The following CUX1 variants were observed in gnomAD, a reference collection of about 807,000 sequenced individuals.
CUX1 encodes cut like homeobox 1.
In CUX1, 31 loss-of-function variants were observed where a neutral mutation model predicts 158.8. The ratio of observed to expected loss-of-function variants is 0.20; its 90% confidence interval spans 0.15 to 0.26. CUX1 has a LOEUF of 0.26. Ranked by LOEUF, CUX1 falls within the 10% of genes least tolerant of loss-of-function variation. The pLI is 1.00. For missense variants in CUX1, 1,589 were observed against 2,014.6 expected (o/e 0.79, Z 4.04); for synonymous variants, 879 against 862.1 (o/e 1.02, Z -0.34).
chr7:102,086,107 T>C lies in CUX1; in HGVS notation c.269-11257T>C, dbSNP rs547822683. Among the ~76,000 whole-genome samples, 11 of 152,332 alleles carry C rather than the reference T, an allele frequency of 7.2e-5. No homozygotes were observed. In the South Asian group the frequency reaches 2.3e-3, roughly 32 times the overall value. On this transcript the variant is annotated intron_variant, in intron 4 of 23. Transcript: ENST00000292535. Reference sequence around the variant, plus strand: ...TAAATATCTGTAGGATGTGTAGTGATGTCCTTTCTTATACTTCCTGACATT... The same window carrying C: ...TAAATATCTGTAGGATGTGTAGTGACGTCCTTTCTTATACTTCCTGACATT...
At chr7:101,965,413 C>T (rs564275477) in intron 2 of CUX1, among the ~76,000 whole-genome samples, 1 of 152,262 alleles carries the variant, frequency 6.6e-6, no homozygotes, top group East Asian at 1.9e-4. Flanking sequence ...ACCTGTTCTC[C>T]TTCCACCATC....
intron 23 of CUX1, among the ~76,000 whole-genome samples, chr7:102,241,017 A>G (rs1223524423): frequency 6.6e-6 from 1 of 152,022 alleles, no homozygotes; most frequent in Non-Finnish European, 1.5e-5. Flanking sequence ...GACGGGTTTC[A>G]TCATATTGGC....
At chr7:102,016,053 G>A (rs1160316880) in intron 2 of CUX1, among the ~76,000 whole-genome samples, 4 of 152,050 alleles carry the variant, frequency 2.6e-5, no homozygotes, top group African/African-American at 7.2e-5. Flanking sequence ...AGGCTCAAGC[G>A]ATCCTCCCTT....
rs1801081711 is a variant in CUX1 at position 102,248,586 on chromosome 7, G to C, written c.4062G>C (p.Glu1354Asp). Residue 1354 changes from glutamate (E) to aspartate (D), a missense_variant, in exon 24 of 24, where the codon GAG (glutamate) becomes GAC (aspartate). Glu to Asp is a conservative substitution (Grantham distance 45). This residue lies in a region of CUX1 where 344 missense variants were observed against 323.7 expected (regional missense o/e 1.06). Transcript: ENST00000292535. The surrounding 1 kb of genome is among the most constrained non-coding windows in gnomAD (Gnocchi z 5.8). Reference sequence around the variant, plus strand: ...GCCCAGGCAGCGCCGACACCGAGGAGCCCAAGTCTCAGGGAGAGGCCGAGC... The same window carrying C: ...GCCCAGGCAGCGCCGACACCGAGGACCCCAAGTCTCAGGGAGAGGCCGAGC... ...TEGPGSADTE[E>D]PKSQGEAERE... The C allele has an allele frequency of 1.4e-6, 2 of 1,480,662 alleles. No individual in the cohort carries two copies. The highest frequency in any genetic ancestry group is 1.8e-6 in the Non-Finnish European group (2 of 1,120,442). The allele number at this position is 1,480,662 out of a possible 1,614,324, so 91.7% of individuals were successfully genotyped here.
chr7:101,983,562 A>G (rs1470303235), intron 2 of CUX1, among the ~76,000 whole-genome samples: 1 of 152,234 alleles, frequency 6.6e-6, no homozygotes, highest in Non-Finnish European at 1.5e-5. Context: ...AAAGAGGTTT[A>G]CTTGGCCCAT....
At chr7:102,109,123 G>T (rs1554489386) in intron 6 of CUX1, among the ~76,000 whole-genome samples, 2 of 152,064 alleles carry the variant, frequency 1.3e-5, no homozygotes, top group African/African-American at 4.8e-5. Flanking sequence ...AAACTGGGGT[G>T]CATATTTGTT....
intron 18 of CUX1, among the ~76,000 whole-genome samples, chr7:102,279,256 G>A (rs1321342135): frequency 6.6e-6 from 1 of 152,114 alleles, no homozygotes; most frequent in African/African-American, 2.4e-5. Context: ...CAGGAGAATC[G>A]CTTGAACCTG....
At position 102,249,854 on chromosome 7, in the gene CUX1, T is replaced by C. The variant is rs538791269; in HGVS notation, c.*812T>C. The C allele has an allele frequency of 1.0e-6, 1 of 985,688 alleles. No homozygotes were observed. Among genetic ancestry groups the C allele is most frequent in the Non-Finnish European group, 1.2e-6 (1 of 829,816 alleles). 61.1% of individuals were successfully genotyped at this position (985,688 alleles called of 1,614,324 possible). On this transcript the variant is annotated 3_prime_UTR_variant, in exon 24 of 24. Coordinates refer to ENST00000292535, the MANE Select transcript of CUX1 (RefSeq NM_181552.4). ...TTGAATTAAAATAAAACACATTTAC[T>C]CCACATATTTTTTAACAAAAAGAAA...
upstream of CUX1, chr7:101,816,012 C>G (rs888056406): frequency 8.5e-6 from 12 of 1,411,568 alleles, no homozygotes; most frequent in Non-Finnish European, 1.1e-5. Flanking sequence ...CCGCTCACTC[C>G]GTCTCAATAT....
chr7:102,099,398 G>C (rs1829550984), intron 5 of CUX1, among the ~76,000 whole-genome samples: 1 of 151,990 alleles, frequency 6.6e-6, no homozygotes, highest in Non-Finnish European at 1.5e-5. Flanking sequence ...AATCACGCCA[G>C]TATTGCAGTA....
chr7:102,149,224 A>G (rs1554502889), intron 8 of CUX1, among the ~76,000 whole-genome samples: 1 of 152,054 alleles, frequency 6.6e-6, no homozygotes, highest in Non-Finnish European at 1.5e-5. Context: ...TCCCCTGCTC[A>G]GTAAATCTGT....
intron 20 of CUX1, among the ~76,000 whole-genome samples, chr7:102,218,196 C>A (rs1422447620): frequency 6.6e-6 from 1 of 152,218 alleles, no homozygotes; most frequent in Non-Finnish European, 1.5e-5. Flanking sequence ...TTAGTGACTT[C>A]GGCCTCCCGC....
intron 10 of CUX1, among the ~76,000 whole-genome samples, chr7:102,177,434 A>G (rs1792508294): frequency 7.5e-6 from 1 of 133,102 alleles, no homozygotes; most frequent in African/African-American, 3.1e-5. Context: ...AAAAAAGAAA[A>G]GAAAAAGAAA....
intron 1 of CUX1, among the ~76,000 whole-genome samples, chr7:101,884,354 G>A (rs1584876434): frequency 6.6e-6 from 1 of 152,188 alleles, no homozygotes; most frequent in East Asian, 1.9e-4. Context: ...AGAAATTTCT[G>A]ATTCCAGAGC....
chr7:102,257,479 AT>A lies in CUX1; in HGVS notation c.*8439del. On this transcript the variant is annotated 3_prime_UTR_variant, in exon 24 of 24. Transcript: ENST00000292535. ...AGAATTCACCCAAAATTCTTAAAACATTGGAGAATAGCTTGTTATAAAATAA... is the reference window on the plus strand; with the variant it reads ...AGAATTCACCCAAAATTCTTAAAACATGGAGAATAGCTTGTTATAAAATAA... The A allele has an allele frequency of 1.0e-6, 1 of 985,368 alleles. No homozygotes were observed. The highest frequency in any genetic ancestry group is 1.2e-6 in the Non-Finnish European group (1 of 829,912). The allele number at this position is 985,368 out of a possible 1,614,324, so 61.0% of individuals were successfully genotyped here. A position where few individuals can be genotyped will look rare whatever the true frequency, so the allele number is the denominator to read the frequency against.
rs1801221361 is a variant in CUX1, at chr7:102,249,297, C to G, written c.*255C>G. ...CCTGCGGCCTCCACCAACCCCGCGG[C>G]CCAGACCCAGCCCGCGGCCTGGACC... On this transcript the variant is annotated 3_prime_UTR_variant, in exon 24 of 24. Transcript: ENST00000292535. 1 of 1,039,568 alleles carries G rather than the reference C, an allele frequency of 9.6e-7. No homozygotes were observed. The highest frequency in any genetic ancestry group is 4.6e-5 in the South Asian group (1 of 21,782). The allele number at this position is 1,039,568 out of a possible 1,614,324, so 64.4% of individuals were successfully genotyped here.
chr7:102,216,331 C>CA (rs1180676395), intron 20 of CUX1, among the ~76,000 whole-genome samples: 5 of 151,684 alleles, frequency 3.3e-5, no homozygotes, highest in African/African-American at 9.7e-5. Flanking sequence ...ATTTAACAAA[C>CA]AAAAAAAGAC....
chr7:102,227,951 C>CTTTTTTTTTTT (rs781968632), intron 21 of CUX1, among the ~76,000 whole-genome samples: 25 of 117,288 alleles, frequency 2.1e-4, no homozygotes, highest in Non-Finnish European at 3.2e-4. Flanking sequence ...TCTTTTTTTT[C>CTTTTTTTTTTT]TTTTTTTTTT....
chr7:101,834,591 T>G (rs1475259132), intron 1 of CUX1, among the ~76,000 whole-genome samples: 1 of 152,174 alleles, frequency 6.6e-6, no homozygotes, highest in East Asian at 1.9e-4. Context: ...GAAAAGAAAT[T>G]TTTTTTCTGT....
Sources: allele counts gnomAD v4.1 joint callset (sites outside exome capture counted in the v4.1 genomes callset), GRCh38; gene constraint gnomAD v4.1.1; regional missense constraint gnomAD v4.1.1; non-coding constraint Gnocchi (gnomAD v3.1); transcripts MANE v1.5; gene names NCBI Gene and HGNC (gene_info 2026-07-23, HGNC 2026-07-21).